Variants in USP24 observed in about 807,000 individuals in gnomAD.
USP24 encodes the protein ubiquitin specific peptidase 24.
A neutral mutation model predicts 361.6 loss-of-function variants in USP24; 97 were observed. That is an observed-to-expected ratio of 0.27 (90% CI 0.23 to 0.32). The LOEUF is 0.32. Among genes scored for constraint, USP24 ranks in the 10% least tolerant of loss-of-function variants. The pLI, the probability that USP24 is intolerant of heterozygous loss-of-function variation, is 1.00. For missense variants in USP24, 2,353 were observed against 3,165.6 expected, an observed-to-expected ratio of 0.74 and a Z score of 6.16; for synonymous variants, 1,098 against 1,124.6, an observed-to-expected ratio of 0.98 and a Z score of 0.47.
intron 24 of USP24, 137 bp from the exon 25 acceptor site, chr1:55,139,147 T>C (rs1244760860): frequency 1.4e-6 from 1 of 738,220 alleles, no homozygotes; most frequent in Admixed American, 2.7e-5. Flanking sequence ...AGATTAAACT[T>C]CCCTTTTACC....
intron 1 of USP24, among the ~76,000 whole-genome samples, chr1:55,178,435 G>A (rs779003163): frequency 1.5e-4 from 23 of 152,196 alleles, no homozygotes; most frequent in Admixed American, 4.6e-4. Context: ...TTGGGAGGCC[G>A]AGACGGGTGG....
intron 32 of USP24, among the ~76,000 whole-genome samples, chr1:55,128,639 T>G (rs537770903): frequency 6.6e-6 from 1 of 152,056 alleles, no homozygotes; most frequent in South Asian, 2.1e-4. Flanking sequence ...CTAAGCAAAT[T>G]CAACCAATGT....
At chr1:55,155,098 G>T (rs940992495) in intron 12 of USP24, among the ~76,000 whole-genome samples, 1 of 151,718 alleles carries the variant, frequency 6.6e-6, no homozygotes, top group Non-Finnish European at 1.5e-5. Flanking sequence ...ACTGCTGAAA[G>T]ATTTAAACAG....
chr1:55,184,756 A>T (rs1644080437), intron 1 of USP24, among the ~76,000 whole-genome samples: 2 of 152,244 alleles, frequency 1.3e-5, no homozygotes, highest in South Asian at 4.1e-4. Flanking sequence ...AATGGAATTA[A>T]AAATCAACAG....
At chr1:55,143,220 C>T in intron 21 of USP24, 101 bp from the exon 22 acceptor site, 1 of 818,840 alleles carries the variant, frequency 1.2e-6, no homozygotes, top group Non-Finnish European at 1.8e-6. Flanking sequence ...CACACCTCTT[C>T]AGTTCAATAT....
chr1:55,184,601 G>C (rs1296015143), intron 1 of USP24, among the ~76,000 whole-genome samples: 1 of 152,122 alleles, frequency 6.6e-6, no homozygotes, highest in Non-Finnish European at 1.5e-5. Flanking sequence ...CACATTTACA[G>C]AACTCTCCAC....
At chr1:55,088,089 A>C (rs142758292) in intron 55 of USP24, among the ~76,000 whole-genome samples, 149 of 152,366 alleles carry the variant, frequency 9.8e-4, no homozygotes, top group Non-Finnish European at 1.5e-3. Flanking sequence ...TTTTATTCTG[A>C]GAGCAACAGG....
intron 67 of USP24, among the ~76,000 whole-genome samples, chr1:55,070,597 C>T (rs572046972): frequency 2.0e-5 from 3 of 151,994 alleles, no homozygotes; most frequent in African/African-American, 4.8e-5. Flanking sequence ...GGCTGAAGAG[C>T]GAGTGAGAGA....
rs1369560742 is a variant in USP24, at chr1:55,191,948, C to A, written c.325-13816G>T. Among the ~76,000 whole-genome samples, 3 of 152,176 alleles carry A rather than the reference C, an allele frequency of 2.0e-5. No individual in the cohort carries two copies. The East Asian group carries it at 5.8e-4, about 29-fold the overall frequency. On this transcript the variant is annotated intron_variant, in intron 1 of 67. Coordinates refer to ENST00000294383, the MANE Select transcript of USP24 (RefSeq NM_015306.3). ...TTTCTGCATCCTACCTTTCATATTG[C>A]AAATTTTAGTTAGACATGTTTGTAC... is the stretch of plus-strand genomic sequence containing the variant.
intron 38 of USP24, among the ~76,000 whole-genome samples, chr1:55,119,565 T>C (rs969915347): frequency 1.3e-5 from 2 of 152,150 alleles, no homozygotes; most frequent in Non-Finnish European, 1.5e-5. Flanking sequence ...TTTTATGTTA[T>C]GTATATTTAC....
At chr1:55,145,299 C>A (rs1264066299) in intron 20 of USP24, among the ~76,000 whole-genome samples, 2 of 152,080 alleles carry the variant, frequency 1.3e-5, no homozygotes, top group Admixed American at 1.3e-4. Flanking sequence ...ATATGGTATA[C>A]CCACACAGTG....
At chr1:55,185,453 T>A (rs1015739380) in intron 1 of USP24, among the ~76,000 whole-genome samples, 8 of 151,756 alleles carry the variant, frequency 5.3e-5, no homozygotes, top group Non-Finnish European at 1.2e-4. Context: ...AGTTGGTTCT[T>A]TGAAAAAATT....
chr1:55,066,746 G>A lies in USP24; in HGVS notation c.*2299C>T, dbSNP rs1644831549. On this transcript the variant is annotated 3_prime_UTR_variant, in exon 68 of 68. Transcript: ENST00000294383. ...GGCAGAATCGGCCATCTTAAGATCGGCCTCACTAAGGGAGCTTCTTGAGAA... is the reference window on the plus strand; with the variant it reads ...GGCAGAATCGGCCATCTTAAGATCGACCTCACTAAGGGAGCTTCTTGAGAA... 1 of 152,176 alleles carries A rather than the reference G, an allele frequency of 6.6e-6. No individual in the cohort carries two copies. 9.4% of individuals were successfully genotyped at this position (152,176 alleles called of 1,614,324 possible).
At chr1:55,136,252 G>A (rs1304075124) in intron 28 of USP24, among the ~76,000 whole-genome samples, 4 of 152,114 alleles carry the variant, frequency 2.6e-5, no homozygotes, top group African/African-American at 2.4e-5. Context: ...GCACAGGGAA[G>A]AGCAAATTCA....
At chr1:55,190,182 A>AAAAAAG (rs1553170065) in intron 1 of USP24, among the ~76,000 whole-genome samples, 2 of 150,962 alleles carry the variant, frequency 1.3e-5, no homozygotes, top group African/African-American at 4.9e-5. Flanking sequence ...AAAAAAAAAA[A>AAAAAAG]AAAGAAAGAA....
At chr1:55,166,625 A>G in intron 5 of USP24, 22 bp from the exon 6 acceptor site, 1 of 1,579,100 alleles carries the variant, frequency 6.3e-7, no homozygotes, top group Non-Finnish European at 8.6e-7. Context: ...GAAAAACAAA[A>G]TTGAGATGGC....
intron 39 of USP24, among the ~76,000 whole-genome samples, chr1:55,108,390 C>A (rs940896976): frequency 6.6e-5 from 10 of 152,288 alleles, no homozygotes; most frequent in African/African-American, 2.2e-4. Context: ...CAAGCAGGGT[C>A]TCCACACGGT....
intron 12 of USP24, among the ~76,000 whole-genome samples, chr1:55,156,390 CAAAT>C (rs751159196): frequency 1.3e-5 from 2 of 150,584 alleles, no homozygotes; most frequent in Non-Finnish European, 3.0e-5. Flanking sequence ...TTGAAAAAAA[CAAAT>C]AAAGTCAAAG....
intron 7 of USP24, among the ~76,000 whole-genome samples, chr1:55,163,054 A>G (rs1355591417): frequency 6.6e-6 from 1 of 152,138 alleles, no homozygotes; most frequent in African/African-American, 2.4e-5. Flanking sequence ...AGATTATTCA[A>G]CAGAGGATCT....
Sources: allele counts gnomAD v4.1 joint callset (sites outside exome capture counted in the v4.1 genomes callset), GRCh38; gene constraint gnomAD v4.1.1; transcripts MANE v1.5; gene names NCBI Gene and HGNC (gene_info 2026-07-23, HGNC 2026-07-21).